Variants in DZIP1L observed in about 807,000 individuals in gnomAD.
DZIP1L encodes the protein DAZ interacting zinc finger protein 1 like.
In DZIP1L, 90 loss-of-function variants were observed where a neutral mutation model predicts 88.7. The observed-to-expected ratio is 1.02, with a 90% CI of 0.86 to 1.21. The LOEUF (loss-of-function observed/expected upper bound fraction) is 1.21. Among genes scored for constraint, DZIP1L ranks in the 50% most tolerant of loss-of-function variants. The pLI is 0.00. For synonymous variants in DZIP1L, 363 were observed against 372.1 expected (o/e 0.98, Z 0.28); for missense variants, 932 against 955.8 (o/e 0.98, Z 0.33).
intron 8 of DZIP1L, among the ~76,000 whole-genome samples, chr3:138,083,564 C>T (rs1230833895): frequency 6.6e-6 from 1 of 152,228 alleles, no homozygotes. Flanking sequence ...CTTTTCATCA[C>T]ACTGCTTTAT....
intron 1 of DZIP1L, among the ~76,000 whole-genome samples, chr3:138,114,439 G>A (rs1431606579): frequency 3.3e-5 from 5 of 152,128 alleles, no homozygotes; most frequent in African/African-American, 1.2e-4. Context: ...CAGTCAGAAG[G>A]CCCCTTATCA....
At chr3:138,081,995 GA>G (rs1339422053) in intron 8 of DZIP1L, among the ~76,000 whole-genome samples, 1 of 152,238 alleles carries the variant, frequency 6.6e-6, no homozygotes, top group East Asian at 1.9e-4. Flanking sequence ...GGGGAGGCAA[GA>G]ATGTCCCCTC....
intron 15 of DZIP1L, 44 bp downstream of exon 15, chr3:138,064,584 C>G (rs781684839): frequency 6.2e-7 from 1 of 1,614,036 alleles, no homozygotes; most frequent in Non-Finnish European, 8.5e-7. Context: ...AGAGCTGGTT[C>G]TGTAGAGAAT....
chr3:138,108,182 T>G, intron 1 of DZIP1L: 1 of 985,074 alleles, frequency 1.0e-6, no homozygotes, highest in Non-Finnish European at 1.2e-6. Context: ...ATGGGTGACA[T>G]GATACTCACC....
At chr3:138,110,190 C>G (rs772749388) in intron 1 of DZIP1L, among the ~76,000 whole-genome samples, 2 of 151,804 alleles carry the variant, frequency 1.3e-5, no homozygotes, top group African/African-American at 2.4e-5. Context: ...TCTGAGCAAA[C>G]TATCACAAGG....
At position 138,063,088 on chromosome 3, in the gene DZIP1L, G is replaced by T; in HGVS notation, c.2143-111C>A. 2 of 1,204,668 alleles carry T rather than the reference G, an allele frequency of 1.7e-6. No individual in the cohort carries two copies. Among genetic ancestry groups the T allele is most frequent in the South Asian group, 2.8e-5 (2 of 70,226 alleles). The allele number at this position is 1,204,668 out of a possible 1,614,324, so 74.6% of individuals were successfully genotyped here. On this transcript the variant is annotated intron_variant, in intron 15 of 15. Transcript: ENST00000327532. The surrounding 1 kb of genome is among the most constrained non-coding windows in gnomAD (Gnocchi z 4.1). ...CAGAATGGAAATGGGGACAAATGCAGACTGGGAAGAAAGCAATAGGGAGAT... is the reference window on the plus strand; with the variant it reads ...CAGAATGGAAATGGGGACAAATGCATACTGGGAAGAAAGCAATAGGGAGAT...
At chr3:138,079,911 C>A (rs1038138073) in intron 10 of DZIP1L, among the ~76,000 whole-genome samples, 3 of 152,178 alleles carry the variant, frequency 2.0e-5, no homozygotes, top group Non-Finnish European at 2.9e-5. Context: ...CTTTTCCAGT[C>A]AGCACTCACT....
At chr3:138,069,571 G>A (rs1943079022) in intron 12 of DZIP1L, among the ~76,000 whole-genome samples, 1 of 152,196 alleles carries the variant, frequency 6.6e-6, no homozygotes, top group Non-Finnish European at 1.5e-5. Flanking sequence ...AGACAAGCCT[G>A]CTGGGGGAAA....
At chr3:138,080,460 C>A in intron 10 of DZIP1L, 107 bp downstream of exon 10, 1 of 1,267,542 alleles carries the variant, frequency 7.9e-7, no homozygotes, top group South Asian at 1.3e-5. Flanking sequence ...TCCCTCCACT[C>A]CAGCTTCGGA....
At chr3:138,064,836 C>A in intron 14 of DZIP1L, 69 bp from the exon 15 acceptor site, 1 of 1,525,292 alleles carries the variant, frequency 6.6e-7, no homozygotes, top group South Asian at 1.3e-5. Flanking sequence ...TTTTGTGGCT[C>A]ATGTCCAGGC....
chr3:138,113,291 A>C (rs1345674623), intron 1 of DZIP1L: 1 of 152,216 alleles, frequency 6.6e-6, no homozygotes, highest in Admixed American at 6.5e-5. Context: ...CCGGCCCACC[A>C]ATAATCTGTC....
At chr3:138,068,942 A>T in intron 12 of DZIP1L, 1 of 1,252,796 alleles carries the variant, frequency 8.0e-7, no homozygotes, top group Non-Finnish European at 1.0e-6. Flanking sequence ...TGGGAAGAGA[A>T]GAGAGAGAGT....
chr3:138,105,221 T>C lies in DZIP1L; in HGVS notation c.-81-1169A>G, dbSNP rs189835629. Among the ~76,000 whole-genome samples the C allele has an allele frequency of 2.0e-3, 298 of 152,272 alleles. 1 individual carries two copies. Among genetic ancestry groups the C allele is most frequent in the South Asian group, 2.9e-3 (14 of 4,818 alleles). ...TCACCAAAGTGAAAGATATATATCA[T>C]ATTAGAATGGTTGTCTATGAGAGGA... On this transcript the variant is annotated intron_variant, in intron 1 of 15. Coordinates refer to ENST00000327532, the MANE Select transcript of DZIP1L (RefSeq NM_173543.3).
intron 5 of DZIP1L, among the ~76,000 whole-genome samples, chr3:138,090,332 A>T (rs1211799873): frequency 2.0e-5 from 3 of 152,166 alleles, no homozygotes; most frequent in Non-Finnish European, 4.4e-5. Context: ...TTTCTGAACA[A>T]CAACTTCAAA....
intron 1 of DZIP1L, among the ~76,000 whole-genome samples, chr3:138,106,132 T>TC (rs2042479674): frequency 7.7e-6 from 1 of 130,532 alleles, no homozygotes; most frequent in African/African-American, 2.9e-5. Context: ...TCTTTCTTTT[T>TC]TTTTTTTTTT....
chr3:138,094,274 T>C (rs938088364), intron 4 of DZIP1L, among the ~76,000 whole-genome samples: 8 of 152,262 alleles, frequency 5.3e-5, no homozygotes, highest in African/African-American at 1.9e-4. Flanking sequence ...TGGAAAATGA[T>C]GCTGATAAAC....
At chr3:138,089,024 A>G in intron 5 of DZIP1L, 1 of 985,502 alleles carries the variant, frequency 1.0e-6, no homozygotes, top group Non-Finnish European at 1.2e-6. Flanking sequence ...AAAAAGGTAC[A>G]GAAAATTGGA....
At chr3:138,085,135 C>G (rs918448763) in intron 7 of DZIP1L, among the ~76,000 whole-genome samples, 6 of 152,110 alleles carry the variant, frequency 3.9e-5, no homozygotes, top group Non-Finnish European at 5.9e-5. Flanking sequence ...AAACGTTAGA[C>G]CTAAAACCAT....
intron 11 of DZIP1L, among the ~76,000 whole-genome samples, chr3:138,073,609 A>G (rs1943274084): frequency 6.6e-6 from 1 of 152,166 alleles, no homozygotes; most frequent in Non-Finnish European, 1.5e-5. Flanking sequence ...GTCTACCCAA[A>G]TGAGAAGGAG....
Sources: allele counts gnomAD v4.1 joint callset (sites outside exome capture counted in the v4.1 genomes callset), GRCh38; gene constraint gnomAD v4.1.1; non-coding constraint Gnocchi (gnomAD v3.1); transcripts MANE v1.5; gene names NCBI Gene and HGNC (gene_info 2026-07-23, HGNC 2026-07-21).